Variants in PTPRM observed in about 807,000 individuals in gnomAD.
PTPRM encodes protein tyrosine phosphatase receptor type M, also known as receptor-type tyrosine-protein phosphatase mu.
A neutral mutation model predicts 186.7 loss-of-function variants in PTPRM; 47 were observed. The observed-to-expected ratio is 0.25, with a 90% CI of 0.20 to 0.32. PTPRM has a LOEUF of 0.32. Among genes scored for constraint, PTPRM ranks in the 10% least tolerant of loss-of-function variants. The probability of loss-of-function intolerance (pLI) is 1.00; values close to 1 mark genes in which losing one functional copy is unlikely to be tolerated. For missense variants in PTPRM, 1,494 were observed against 1,865.0 expected (o/e 0.80, Z 3.66); for synonymous variants, 668 against 674.9 (o/e 0.99, Z 0.16).
intron 2 of PTPRM, among the ~76,000 whole-genome samples, chr18:7,775,629 G>A (rs539037987): frequency 6.1e-4 from 93 of 152,252 alleles, no homozygotes; most frequent in African/African-American, 2.2e-3. Context: ...CTTAGATTTA[G>A]TCCTGGTAGA....
At chr18:7,996,182 T>A (rs2083524064) in intron 7 of PTPRM, among the ~76,000 whole-genome samples, 2 of 150,086 alleles carry the variant, frequency 1.3e-5, no homozygotes, top group Admixed American at 1.3e-4. Context: ...CCTTTCTTTC[T>A]TAAAAAAAAA....
intron 20 of PTPRM, among the ~76,000 whole-genome samples, chr18:8,306,776 G>A (rs915178599): frequency 3.3e-5 from 5 of 152,140 alleles, no homozygotes; most frequent in Non-Finnish European, 5.9e-5. Context: ...GCTTATCATT[G>A]GACAATTGGC....
chr18:8,188,390 C>T (rs115041548), intron 14 of PTPRM, among the ~76,000 whole-genome samples: 1 of 152,298 alleles, frequency 6.6e-6, no homozygotes, highest in African/African-American at 2.4e-5. Context: ...AGCAAGCTCC[C>T]TGGGAAATAT....
At chr18:8,194,525 ACAGG>A (rs1311680439) in intron 14 of PTPRM, among the ~76,000 whole-genome samples, 1 of 152,348 alleles carries the variant, frequency 6.6e-6, no homozygotes, top group East Asian at 1.9e-4. Flanking sequence ...CACACTGGAA[ACAGG>A]CAGGCCCCTT....
chr18:7,973,505 TTCC>T (rs1415821708), intron 7 of PTPRM, among the ~76,000 whole-genome samples: 1 of 152,232 alleles, frequency 6.6e-6, no homozygotes, highest in Non-Finnish European at 1.5e-5. Flanking sequence ...AGTATATTTC[TTCC>T]TCAGCAAATT....
At chr18:7,600,590 C>T (rs780002189) in intron 1 of PTPRM, among the ~76,000 whole-genome samples, 1 of 152,216 alleles carries the variant, frequency 6.6e-6, no homozygotes, top group Non-Finnish European at 1.5e-5. Flanking sequence ...CTTGTGATCA[C>T]CACCTTGTGC....
chr18:7,883,100 T>A (rs2048589590), intron 2 of PTPRM, among the ~76,000 whole-genome samples: 1 of 152,244 alleles, frequency 6.6e-6, no homozygotes, highest in African/African-American at 2.4e-5. Flanking sequence ...CTCATTTCAT[T>A]TGCCTGCAAT....
chr18:7,596,931 G>A (rs775583707), intron 1 of PTPRM, among the ~76,000 whole-genome samples: 3 of 151,096 alleles, frequency 2.0e-5, no homozygotes, highest in Non-Finnish European at 4.4e-5. Flanking sequence ...TCGGCTCACT[G>A]CAACCTCCGC....
intron 19 of PTPRM, among the ~76,000 whole-genome samples, chr18:8,283,142 G>A (rs1364802619): frequency 6.7e-6 from 1 of 149,880 alleles, no homozygotes; most frequent in East Asian, 2.0e-4. Flanking sequence ...TATTTGATTG[G>A]AGATCTACAC....
At chr18:8,108,927 G>A (rs1216812034) in intron 11 of PTPRM, among the ~76,000 whole-genome samples, 1 of 152,176 alleles carries the variant, frequency 6.6e-6, no homozygotes, top group Admixed American at 6.6e-5. Context: ...AACAAAGGCA[G>A]CATGGGCAAC....
chr18:7,814,927 G>A (rs1439564282), intron 2 of PTPRM: 6 of 152,084 alleles, frequency 3.9e-5, no homozygotes, highest in Non-Finnish European at 8.8e-5. Context: ...CTTAAATCTT[G>A]AGAAAGTTAC....
At chr18:8,250,850 A>G (rs1340876354) in intron 17 of PTPRM, among the ~76,000 whole-genome samples, 1 of 152,114 alleles carries the variant, frequency 6.6e-6, no homozygotes, top group Non-Finnish European at 1.5e-5. Context: ...CATAAAGGAA[A>G]TTAATGACAA....
At chr18:8,076,405 T>C (rs767681819) in intron 8 of PTPRM, 50 bp from the exon 9 acceptor site, 2 of 1,139,620 alleles carry the variant, frequency 1.8e-6, no homozygotes, top group Non-Finnish European at 2.6e-6. Flanking sequence ...AAAAATCTAC[T>C]TTTTAATTGT....
chr18:7,729,700 T>C (rs1179395832), intron 1 of PTPRM, among the ~76,000 whole-genome samples: 1 of 152,190 alleles, frequency 6.6e-6, no homozygotes, highest in East Asian at 1.9e-4. Context: ...GTCCTTATCA[T>C]TTCAAAGCAC....
chr18:7,842,947 T>TATATATATAGAGAGAGAGAGAG (rs370746043), intron 2 of PTPRM, among the ~76,000 whole-genome samples: 23 of 112,106 alleles, frequency 2.1e-4, no homozygotes, highest in African/African-American at 7.1e-4. Flanking sequence ...TATATATATA[T>TATATATATAGAGAGAGAGAGAG]AGAGAGAGAG....
chr18:7,946,906 G>C (rs1568054028), intron 5 of PTPRM: 1 of 456,066 alleles, frequency 2.2e-6, no homozygotes, highest in Admixed American at 2.3e-5. Context: ...CTGGGAGGAA[G>C]GGCTGAGCAT....
At chr18:7,792,997 A>G (rs2043421104) in intron 2 of PTPRM, among the ~76,000 whole-genome samples, 1 of 152,204 alleles carries the variant, frequency 6.6e-6, no homozygotes, top group Non-Finnish European at 1.5e-5. Flanking sequence ...ACCTACATAG[A>G]TGGCCCTTGA....
At chr18:7,767,393 A>C (rs567412980) in intron 1 of PTPRM, among the ~76,000 whole-genome samples, 2 of 152,292 alleles carry the variant, frequency 1.3e-5, no homozygotes, top group East Asian at 1.9e-4. Flanking sequence ...AATAAAAAAA[A>C]CAATTTTTAA....
At chr18:7,603,477 T>A (rs2037456742) in intron 1 of PTPRM, among the ~76,000 whole-genome samples, 1 of 152,226 alleles carries the variant, frequency 6.6e-6, no homozygotes, top group African/African-American at 2.4e-5. Context: ...CCTTGACTCT[T>A]CTTCCTAACC....
Sources: gnomAD v4.1 joint callset for allele counts (sites outside exome capture counted in the v4.1 genomes callset) on GRCh38, gnomAD v4.1.1 for gene constraint, MANE v1.5 for transcripts, NCBI Gene and HGNC (gene_info 2026-07-23, HGNC 2026-07-21) for gene names.